Variants in CLDN14 observed in about 807,000 individuals in gnomAD.
CLDN14 encodes claudin 14.
Under a neutral mutation model 2.1 loss-of-function variants are expected in CLDN14, and 2 were observed. The ratio of observed to expected loss-of-function variants is 0.96; its 90% confidence interval spans 0.39 to 3.01. The LOEUF (loss-of-function observed/expected upper bound fraction) is 3.01. CLDN14 is among the 30% of genes most tolerant of loss of function. The pLI, the probability that CLDN14 is intolerant of heterozygous loss-of-function variation, is 0.09. For synonymous variants in CLDN14, 136 were observed against 154.4 expected, an observed-to-expected ratio of 0.88 and a Z score of 0.88; for missense variants, 298 against 328.0, an observed-to-expected ratio of 0.91 and a Z score of 0.71.
chr21:36,562,697 CTT>C (rs3030097), intron 1 of CLDN14, among the ~76,000 whole-genome samples: 109,841 of 147,254 alleles, frequency 0.75, 42,122 homozygotes, highest in Non-Finnish European at 0.86. Context: ...CCATTCTGTG[CTT>C]TTTTTTTTTT....
rs78221259 is a variant in CLDN14, at chr21:36,530,337, C to T, written c.-219-19837G>A. Among the ~76,000 whole-genome samples, 26 of 152,314 alleles carry T rather than the reference C, an allele frequency of 1.7e-4. 1 individual carries two copies. The East Asian group carries it at 5.0e-3, about 29-fold the overall frequency. The stretch of plus-strand genomic sequence containing the variant: ...GGGTGGGCTCTGAGGGAGCAGCTCC[C>T]CCTGCACAGAGATCCGGGCCACATG... On this transcript the variant is annotated intron_variant, in intron 1 of 2. Coordinates refer to the CLDN14 transcript ENST00000342108.
In CLDN14 at chr21:36,461,213, G is replaced by A. The variant is rs2086566023; in HGVS notation, c.483C>T (p.Gly161=). ...LLPSGMKFEI[G]QALYLGFISS... is the part of the protein sequence containing the mutation. Reference sequence around the variant, plus strand: ...AGATGAAGCCCAGGTACAGGGCCTGGCCAATCTCAAACTTCATGCCGCTGG... The same window carrying A: ...AGATGAAGCCCAGGTACAGGGCCTGACCAATCTCAAACTTCATGCCGCTGG... Residue 161 remains glycine, a synonymous_variant, in exon 2 of 2, where the codon GGC becomes GGT. Transcript: ENST00000399135. 6.2e-7 allele frequency: 1 copy of A among 1,613,988 alleles called. No homozygotes were observed. Among genetic ancestry groups the A allele is most frequent in the Non-Finnish European group, 8.5e-7 (1 of 1,180,024 alleles).
chr21:36,519,747 CAAA>C (rs1001444274), intron 1 of CLDN14, among the ~76,000 whole-genome samples: 2 of 151,560 alleles, frequency 1.3e-5, no homozygotes, highest in African/African-American at 4.9e-5. Context: ...ACCCCAAAAA[CAAA>C]AAAACCCACA....
At position 36,554,490 on chromosome 21, in the gene CLDN14, C is replaced by G. The variant is rs139130557; in HGVS notation, c.-220+21921G>C. Among the ~76,000 whole-genome samples the G allele has an allele frequency of 3.3e-4, 51 of 152,286 alleles. 1 individual carries two copies. The East Asian group carries it at 8.9e-3, about 27-fold the overall frequency. On this transcript the variant is annotated intron_variant, in intron 1 of 2. Transcript: ENST00000342108. ...AACGGCCACACAAGAGAAGCTTAGT[C>G]GGGTCAGGCCCGCCTTGTTGGGAGT...
At chr21:36,531,860 G>A (rs887581362) in intron 1 of CLDN14, 2 of 152,066 alleles carry the variant, frequency 1.3e-5, no homozygotes, top group Admixed American at 6.6e-5. Context: ...AAAGTCAAGC[G>A]GATTCTGGAG....
At chr21:36,517,395 A>G (rs2087236920) in intron 1 of CLDN14, among the ~76,000 whole-genome samples, 1 of 152,194 alleles carries the variant, frequency 6.6e-6, no homozygotes, top group Non-Finnish European at 1.5e-5. Flanking sequence ...CAACCCTTGC[A>G]TTAGACAATG....
chr21:36,507,017 G>A (rs75751422), intron 2 of CLDN14, among the ~76,000 whole-genome samples: 4,819 of 152,134 alleles, frequency 0.032, 259 homozygotes, highest in African/African-American at 0.11. Context: ...TAGCTACTCA[G>A]GAGGCTGAGG....
chr21:36,546,989 G>A (rs1464125580), intron 1 of CLDN14, among the ~76,000 whole-genome samples: 7 of 152,174 alleles, frequency 4.6e-5, no homozygotes, highest in South Asian at 2.1e-4. Context: ...TAGAGTCAGC[G>A]ATGCTGCTCA....
intron 2 of CLDN14, among the ~76,000 whole-genome samples, chr21:36,488,260 T>TCCTTCCTTCCTTCCTC: frequency 6.7e-6 from 1 of 149,720 alleles, no homozygotes; most frequent in African/African-American, 2.5e-5. Flanking sequence ...CTTCCTTCCT[T>TCCTTCCTTCCTTCCTC]CCTTCCTTCC....
At chr21:36,513,096 G>T (rs1459692934) in intron 1 of CLDN14, among the ~76,000 whole-genome samples, 1 of 152,056 alleles carries the variant, frequency 6.6e-6, no homozygotes, top group Non-Finnish European at 1.5e-5. Flanking sequence ...TGTGTCTCAC[G>T]AGATATCTGG....
intron 1 of CLDN14, among the ~76,000 whole-genome samples, chr21:36,531,214 G>A (rs2087376834): frequency 1.3e-5 from 2 of 152,038 alleles, no homozygotes; most frequent in African/African-American, 2.4e-5. Context: ...GGTGAAGAGT[G>A]AGACCCTGTC....
At chr21:36,558,419 A>T (rs1367567132) in intron 1 of CLDN14, among the ~76,000 whole-genome samples, 2 of 152,272 alleles carry the variant, frequency 1.3e-5, no homozygotes, top group African/African-American at 4.8e-5. Flanking sequence ...ATCCATGAAC[A>T]TGGGATACTT....
At chr21:36,562,153 C>T (rs1426901850) in intron 1 of CLDN14, among the ~76,000 whole-genome samples, 1 of 152,138 alleles carries the variant, frequency 6.6e-6, no homozygotes, top group Admixed American at 6.5e-5. Context: ...GGGGTAATGT[C>T]TCTGATTAAT....
intron 1 of CLDN14, among the ~76,000 whole-genome samples, chr21:36,529,786 TTTATA>T: frequency 6.6e-6 from 1 of 152,204 alleles, no homozygotes; most frequent in South Asian, 2.1e-4. Context: ...TTATTCCCTA[TTTATA>T]TTTATTTGTT....
At chr21:36,548,648 T>A (rs1459615765) in intron 1 of CLDN14, among the ~76,000 whole-genome samples, 1 of 152,126 alleles carries the variant, frequency 6.6e-6, no homozygotes, top group Non-Finnish European at 1.5e-5. Flanking sequence ...TGCCCCACGG[T>A]ATCTCCTGCT....
chr21:36,475,201 G>T (rs945506159), intron 1 of CLDN14, among the ~76,000 whole-genome samples: 24 of 152,204 alleles, frequency 1.6e-4, no homozygotes, highest in Non-Finnish European at 2.9e-5. Flanking sequence ...GGCTGGACTG[G>T]ACCTGGTGGG....
At chr21:36,472,601 A>C (rs566028698) in intron 1 of CLDN14, among the ~76,000 whole-genome samples, 1 of 152,322 alleles carries the variant, frequency 6.6e-6, no homozygotes, top group East Asian at 1.9e-4. Context: ...GCCAGACTGG[A>C]ACCAGAAAAA....
At chr21:36,536,384 C>CT (rs2087423945) in intron 1 of CLDN14, among the ~76,000 whole-genome samples, 1 of 152,208 alleles carries the variant, frequency 6.6e-6, no homozygotes, top group Admixed American at 6.5e-5. Flanking sequence ...TTAAAAATGA[C>CT]TTTACTCCAT....
chr21:36,488,220 CCCTTCCTTCCTTCCTT>C (rs747508864), intron 2 of CLDN14, among the ~76,000 whole-genome samples: 1,047 of 97,296 alleles, frequency 0.011, 11 homozygotes, highest in Non-Finnish European at 0.015. Flanking sequence ...ACTGTGATTC[CCCTTCCTTCCTTCCTT>C]CCTTCCTTCC....
Sources: allele counts gnomAD v4.1 joint callset (sites outside exome capture counted in the v4.1 genomes callset), GRCh38; gene constraint gnomAD v4.1.1; transcripts MANE v1.5; gene names NCBI Gene and HGNC (gene_info 2026-07-23, HGNC 2026-07-21).